Variants in P3H1 observed in about 807,000 individuals in gnomAD.
P3H1 encodes growth suppressor 1.
In P3H1, 69 loss-of-function variants were observed where a neutral mutation model predicts 84.0. The ratio of observed to expected loss-of-function variants is 0.82; its 90% confidence interval spans 0.68 to 1.00. The LOEUF (loss-of-function observed/expected upper bound fraction) is 1.00, where lower values mean the gene tolerates loss of function less well. P3H1 is among the 50% of genes least tolerant of loss of function. The pLI, the probability that P3H1 is intolerant of heterozygous loss-of-function variation, is 0.00. For synonymous variants in P3H1, 366 were observed against 388.8 expected (o/e 0.94, Z 0.69); for missense variants, 878 against 962.8 (o/e 0.91, Z 1.17).
chr1:42,747,921 G>T, intron 12 of P3H1, 123 bp from the exon 13 acceptor site: 1 of 928,624 alleles, frequency 1.1e-6, no homozygotes, highest in Non-Finnish European at 1.8e-6. Flanking sequence ...AAACCTTTAA[G>T]AACCTATACT....
intron 1 of P3H1, among the ~76,000 whole-genome samples, chr1:42,765,547 CAT>C (rs1467436415): frequency 6.6e-6 from 1 of 151,936 alleles, no homozygotes; most frequent in African/African-American, 2.4e-5. Flanking sequence ...TAACCAAAGA[CAT>C]AACGCAATTA....
At chr1:42,747,194 G>C (rs1245985921) in intron 14 of P3H1, 78 bp downstream of exon 14, 1 of 1,614,224 alleles carries the variant, frequency 6.2e-7, no homozygotes, top group South Asian at 1.1e-5. Flanking sequence ...ATTTGGGGAA[G>C]AGAAAGGCAA....
Position 42,757,767 on chromosome 1 carries a change from G to A in P3H1, c.1080+16C>T. The A allele has an allele frequency of 6.2e-7, 1 of 1,614,216 alleles. No individual in the cohort carries two copies. ...AGTTCAGCTGGCAGCTGTCATAACAGAAGGAAGTCTCTCACCTCACGGGGG... is the reference window on the plus strand; with the variant it reads ...AGTTCAGCTGGCAGCTGTCATAACAAAAGGAAGTCTCTCACCTCACGGGGG... On this transcript the variant is annotated intron_variant, in intron 5 of 14. Coordinates refer to ENST00000296388, the MANE Select transcript of P3H1 (RefSeq NM_022356.4).
chr1:42,747,508 C>A, intron 13 of P3H1, 96 bp from the exon 14 acceptor site: 1 of 1,276,014 alleles, frequency 7.8e-7, no homozygotes. Context: ...CGACCGAGGG[C>A]AGCTCTTCAG....
chr1:42,750,904 AG>A (rs1450729813), intron 10 of P3H1, among the ~76,000 whole-genome samples: 8 of 135,080 alleles, frequency 5.9e-5, no homozygotes, highest in South Asian at 2.5e-4. Context: ...GGAAGTGAGG[AG>A]CCCCTCTGCC....
chr1:42,766,049 C>T (rs1652980405), intron 1 of P3H1, among the ~76,000 whole-genome samples: 1 of 151,240 alleles, frequency 6.6e-6, no homozygotes, highest in Admixed American at 6.6e-5. Context: ...GGCCAGGCAG[C>T]CCCTGCTGGC....
Position 42,754,792 on chromosome 1 carries a change from C to T in P3H1, c.1345+77G>A, listed in dbSNP as rs190155233. On this transcript the variant is annotated intron_variant, in intron 8 of 14. Transcript: ENST00000296388. This position sits in a 1 kb window ranked among gnomAD's most constrained non-coding sequence, Gnocchi z 4.0. Reference sequence around the variant, plus strand: ...TGAGCTCTGCAATGCTGGGGTGGAGCGCTGCCTGGCAAATGTGGGGTGACC... The same window carrying T: ...TGAGCTCTGCAATGCTGGGGTGGAGTGCTGCCTGGCAAATGTGGGGTGACC... 1.6e-5 allele frequency: 26 copies of T among 1,598,584 alleles called. No homozygotes were observed. Among genetic ancestry groups the T allele is most frequent in the East Asian group, 2.2e-5 (1 of 44,656 alleles).
Position 42,757,919 on chromosome 1 carries a change from C to T in P3H1, c.944G>A (p.Gly315Glu). 6.2e-7 allele frequency: 1 copy of T among 1,613,996 alleles called. No individual in the cohort carries two copies. Among genetic ancestry groups the T allele is most frequent in the Non-Finnish European group, 8.5e-7 (1 of 1,179,860 alleles). The change falls in exon 5 of 15, where the codon GGG (glycine) becomes GAG (glutamate). Residue 315 changes from glycine to glutamate, a missense_variant. By Grantham distance (98) the Gly-to-Glu change is moderately conservative. Coordinates refer to ENST00000296388, the MANE Select transcript of P3H1 (RefSeq NM_022356.4). ...NYLQFAYYNI[G>E]NYTQAVECAK... ...ACATTCAACAGCCTGTGTATAATTC[C>T]CAACTGCAAAGTGGAAAGAAGAATG...
At chr1:42,747,587 A>G in intron 13 of P3H1, 136 bp downstream of exon 13, 1 of 1,128,150 alleles carries the variant, frequency 8.9e-7, no homozygotes, top group Non-Finnish European at 1.4e-6. Context: ...ACACGTCTCA[A>G]AGCCCCTCTG....
chr1:42,747,351 T>C lies in P3H1; in HGVS notation c.1976A>G (p.His659Arg). ...VGFSSGTENP[H>R]GVKAVTRGQR... ...CCCCCTGGTGACAGCCTTCACTCCA[T>C]GTGGGTTTTCAGTGCCTGAAGAGAA... The change falls in exon 14 of 15, where the codon CAT becomes CGT. Residue 659 changes from histidine (H) to arginine (R), a missense_variant. Physicochemically the swap from His to Arg is conservative, Grantham distance 29 (BLOSUM62 0). Transcript: ENST00000296388. The C allele has an allele frequency of 6.2e-7, 1 of 1,610,342 alleles. No individual in the cohort carries two copies. The highest frequency in any genetic ancestry group is 8.5e-7 in the Non-Finnish European group (1 of 1,177,722).
rs1652254938 is a variant in P3H1, at chr1:42,754,093, C to A, written c.1345+776G>T. On this transcript the variant is annotated intron_variant, in intron 8 of 14. Coordinates refer to ENST00000296388, the MANE Select transcript of P3H1 (RefSeq NM_022356.4). This position sits in a 1 kb window ranked among gnomAD's most constrained non-coding sequence, Gnocchi z 4.0. ...GTGTGAAGAGACGGTGTAAACAGGACAAGAGTAGAACATTCGGTTAAGGGG... is the reference window on the plus strand; with the variant it reads ...GTGTGAAGAGACGGTGTAAACAGGAAAAGAGTAGAACATTCGGTTAAGGGG... 6.6e-6 allele frequency among the ~76,000 whole-genome samples: 1 copy of A among 152,110 alleles called. No homozygotes were observed. Among genetic ancestry groups the A allele is most frequent in the African/African-American group, 2.4e-5 (1 of 41,412 alleles).
Position 42,752,331 on chromosome 1 carries a change from G to A in P3H1, c.1512C>T (p.Thr504=). The change falls in exon 10 of 15, where the codon ACC becomes ACT. Residue 504 remains threonine, a synonymous_variant. Coordinates refer to ENST00000296388, the MANE Select transcript of P3H1 (RefSeq NM_022356.4). ...ACTTTTCATTGGGAGTATGTGGGGA[G>A]GTCTGACCCCGGTAGCCATCTCCTG... ...ATSGDGYRGQ[T]SPHTPNEKFY... is the part of the protein sequence containing the mutation. The A allele has an allele frequency of 6.2e-7, 1 of 1,614,142 alleles. No homozygotes were observed. Among genetic ancestry groups the A allele is most frequent in the Non-Finnish European group, 8.5e-7 (1 of 1,180,032 alleles).
At chr1:42,751,129 C>T (rs1390954390) in intron 10 of P3H1, among the ~76,000 whole-genome samples, 1 of 137,412 alleles carries the variant, frequency 7.3e-6, no homozygotes, top group East Asian at 2.1e-4. Flanking sequence ...AATAGAAAGG[C>T]GGGAAGGGTG....
intron 11 of P3H1, chr1:42,748,813 G>C (rs1013377599): frequency 7.9e-6 from 2 of 252,020 alleles, no homozygotes; most frequent in Non-Finnish European, 1.6e-5. Context: ...GCAGGGAGAA[G>C]GTCACGAAAG....
At position 42,746,419 on chromosome 1, in the gene P3H1, A is replaced by G; in HGVS notation, c.*278T>C. The G allele has an allele frequency of 2.1e-6, 1 of 469,070 alleles. No individual in the cohort carries two copies. Among genetic ancestry groups the G allele is most frequent in the Non-Finnish European group, 3.8e-6 (1 of 262,624 alleles). 29.1% of individuals were successfully genotyped at this position (469,070 alleles called of 1,614,324 possible). On this transcript the variant is annotated 3_prime_UTR_variant, in exon 15 of 15. Transcript: ENST00000296388. ...TTATTCTTTGGTTGTCTACACAGAC[A>G]CTTAAGTACTGTATCGCTGTCATGC...
intron 6 of P3H1, 66 bp downstream of exon 6, chr1:42,755,482 C>A: frequency 7.5e-7 from 1 of 1,340,432 alleles, no homozygotes. Flanking sequence ...GTGTTCCCCT[C>A]CTCCCCATTC....
chr1:42,762,166 G>T (rs776174239), intron 2 of P3H1, 157 bp downstream of exon 2: 1 of 701,916 alleles, frequency 1.4e-6, no homozygotes, highest in Non-Finnish European at 2.5e-6. Flanking sequence ...AACTACTCAG[G>T]AGGCCGAGAC....
At position 42,749,326 on chromosome 1, in the gene P3H1, G is replaced by A. The variant is rs16829935; in HGVS notation, c.1720+860C>T. 3.7e-3 allele frequency among the ~76,000 whole-genome samples: 563 copies of A among 152,272 alleles called. 3 individuals are homozygous for A. Among genetic ancestry groups the A allele is most frequent in the African/African-American group, 0.013 (536 of 41,556 alleles). On this transcript the variant is annotated intron_variant, in intron 11 of 14. Transcript: ENST00000296388. ...AGGAAAGCCCTCTGATCTGTGCCAC[G>A]TACCAATGGCCATCACTGCCAGGGG...
At chr1:42,757,746 C>A in intron 5 of P3H1, 37 bp downstream of exon 5, 1 of 1,614,140 alleles carries the variant, frequency 6.2e-7, no homozygotes, top group Non-Finnish European at 8.5e-7. Flanking sequence ...GGTCTGAGTT[C>A]AGCTGGCAGC....
Sources: allele counts gnomAD v4.1 joint callset (sites outside exome capture counted in the v4.1 genomes callset), GRCh38; gene constraint gnomAD v4.1.1; non-coding constraint Gnocchi (gnomAD v3.1); transcripts MANE v1.5; gene names NCBI Gene and HGNC (gene_info 2026-07-23, HGNC 2026-07-21).